Variants in SLC38A9 observed in about 807,000 individuals in gnomAD.
SLC38A9 encodes solute carrier family 38 member 9.
Under a neutral mutation model 62.3 loss-of-function variants are expected in SLC38A9, and 48 were observed. The ratio of observed to expected loss-of-function variants is 0.77; its 90% CI spans 0.61 to 0.98. SLC38A9 has a LOEUF of 0.98. SLC38A9 is among the 50% of genes least tolerant of loss of function. The probability of loss-of-function intolerance (pLI) is 0.00; values close to 1 mark genes in which losing one functional copy is unlikely to be tolerated. For missense variants in SLC38A9, 541 were observed against 679.8 expected (o/e 0.80, Z 2.27); for synonymous variants, 204 against 227.7 (o/e 0.90, Z 0.94).
intron 10 of SLC38A9, among the ~76,000 whole-genome samples, chr5:55,649,865 T>C (rs2150162929): frequency 6.6e-6 from 1 of 151,990 alleles, no homozygotes; most frequent in East Asian, 1.9e-4. Context: ...CAGATGAAGG[T>C]AGCTCATACA....
At chr5:55,647,861 G>A (rs1344378489) in intron 11 of SLC38A9, among the ~76,000 whole-genome samples, 2 of 152,130 alleles carry the variant, frequency 1.3e-5, no homozygotes, top group Non-Finnish European at 2.9e-5. Context: ...GTTTTTAACT[G>A]AATAGCATAT....
chr5:55,678,514 A>C (rs1388881979), intron 3 of SLC38A9, among the ~76,000 whole-genome samples: 1 of 152,192 alleles, frequency 6.6e-6, no homozygotes, highest in Non-Finnish European at 1.5e-5. Context: ...ATAGCATGGA[A>C]TACTAAATAT....
chr5:55,640,268 G>A (rs1361887220), intron 12 of SLC38A9, among the ~76,000 whole-genome samples: 1 of 152,068 alleles, frequency 6.6e-6, no homozygotes, highest in African/African-American at 2.4e-5. Context: ...TTACAGGTGT[G>A]AGCTACCATG....
rs1269297375 is a variant in SLC38A9 at position 55,698,074 on chromosome 5, T to C, written c.-34-82A>G. On this transcript the variant is annotated intron_variant, in intron 2 of 15. Coordinates refer to ENST00000396865, the MANE Select transcript of SLC38A9 (RefSeq NM_173514.4). ...CTAATAAATATTCATGAATAACAAA[T>C]TGGAAAAATACTGGAATTTGCTGAA... The C allele has an allele frequency of 1.0e-5, 6 of 575,614 alleles. No homozygotes were observed. In the Admixed American group the frequency reaches 1.5e-4, roughly 15 times the overall value. The allele number at this position is 575,614 out of a possible 1,614,324, so 35.7% of individuals were successfully genotyped here.
chr5:55,648,633 A>G lies in SLC38A9; in HGVS notation c.1060+574T>C, dbSNP rs1484858648. Reference sequence around the variant, plus strand: ...CAGTATGAAAAAAACAGACAGTTAAATAGAAAAACAGAAGAAGCACTTCAG... The same window carrying G: ...CAGTATGAAAAAAACAGACAGTTAAGTAGAAAAACAGAAGAAGCACTTCAG... On this transcript the variant is annotated intron_variant, in intron 11 of 15. Transcript: ENST00000396865. 2.0e-5 allele frequency among the ~76,000 whole-genome samples: 3 copies of G among 152,218 alleles called. 1 individual carries two copies. The highest frequency in any genetic ancestry group is 2.0e-4 in the Admixed American group (3 of 15,276).
In SLC38A9 at chr5:55,656,247, C is replaced by T. The variant is rs956207815; in HGVS notation, c.757+468G>A. 4.7e-5 allele frequency among the ~76,000 whole-genome samples: 7 copies of T among 149,668 alleles called. 1 individual carries two copies. Among genetic ancestry groups the T allele is most frequent in the African/African-American group, 1.7e-4 (7 of 40,660 alleles). ...ATTGAAAAAGCTTCAATTTATTTTT[C>T]CATATTTAGTTACTAACCTCTGTTT... On this transcript the variant is annotated intron_variant, in intron 9 of 15. Transcript: ENST00000396865.
At chr5:55,678,810 GCC>G (rs1752603341) in intron 3 of SLC38A9, among the ~76,000 whole-genome samples, 1 of 151,674 alleles carries the variant, frequency 6.6e-6, no homozygotes, top group Admixed American at 6.6e-5. Context: ...ACAGGCATGT[GCC>G]ACATGCCTGA....
chr5:55,652,227 G>A (rs1294771337), intron 10 of SLC38A9, among the ~76,000 whole-genome samples: 3 of 150,632 alleles, frequency 2.0e-5, no homozygotes, highest in South Asian at 2.1e-4. Context: ...GTGTGGTGGC[G>A]CATACCTGTA....
At chr5:55,708,535 T>C (rs754030402) in intron 2 of SLC38A9, among the ~76,000 whole-genome samples, 4 of 152,232 alleles carry the variant, frequency 2.6e-5, no homozygotes, top group Non-Finnish European at 4.4e-5. Context: ...CTATAGAATC[T>C]ATGCCAAGAT....
chr5:55,644,921 T>C (rs1746070434), intron 12 of SLC38A9, among the ~76,000 whole-genome samples: 1 of 149,282 alleles, frequency 6.7e-6, no homozygotes, highest in African/African-American at 2.4e-5. Context: ...CCTGTGTCCA[T>C]GTGTTCTCAT....
At chr5:55,636,346 C>T (rs957687176) in intron 12 of SLC38A9, among the ~76,000 whole-genome samples, 1 of 152,154 alleles carries the variant, frequency 6.6e-6, no homozygotes, top group South Asian at 2.1e-4. Flanking sequence ...CCCTCCCAAC[C>T]TCCCATATCC....
chr5:55,681,494 G>T (rs1752995897), intron 3 of SLC38A9, among the ~76,000 whole-genome samples: 1 of 152,110 alleles, frequency 6.6e-6, no homozygotes. Flanking sequence ...CTACCCCTAT[G>T]GTTTATGGCA....
intron 3 of SLC38A9, among the ~76,000 whole-genome samples, chr5:55,678,138 G>GTTTT (rs769465008): frequency 0.011 from 1,378 of 129,336 alleles, 60 homozygotes; most frequent in African/African-American, 0.033. Flanking sequence ...AAGGTTACTG[G>GTTTT]TTTTTTTTTC....
chr5:55,656,816 G>C, intron 8 of SLC38A9, 42 bp from the exon 9 acceptor site: 1 of 1,044,164 alleles, frequency 9.6e-7, no homozygotes, highest in Non-Finnish European at 1.4e-6. Context: ...CTGAATGAAA[G>C]ACACTAAATC....
At chr5:55,656,923 C>T (rs564579737) in intron 8 of SLC38A9, 149 bp from the exon 9 acceptor site, 309 of 363,898 alleles carry the variant, frequency 8.5e-4, no homozygotes, top group Middle Eastern at 5.4e-3. Context: ...TGCAGTGGCA[C>T]GATCTTGGCT....
intron 4 of SLC38A9, 49 bp downstream of exon 4, chr5:55,672,514 T>C: frequency 6.3e-6 from 10 of 1,599,370 alleles, no homozygotes; most frequent in Non-Finnish European, 8.5e-6. Context: ...TATTGTTCAC[T>C]GTTCATTTCA....
chr5:55,663,702 C>T (rs1325367951), intron 8 of SLC38A9, among the ~76,000 whole-genome samples: 4 of 152,082 alleles, frequency 2.6e-5, no homozygotes, highest in Non-Finnish European at 5.9e-5. Context: ...CACAGCACTC[C>T]AGCCTGGGTG....
intron 12 of SLC38A9, among the ~76,000 whole-genome samples, chr5:55,645,252 A>C (rs548306387): frequency 9.9e-5 from 15 of 152,148 alleles, no homozygotes; most frequent in African/African-American, 3.4e-4. Flanking sequence ...ACAGGGTCTA[A>C]CCATGTTGCC....
intron 3 of SLC38A9, among the ~76,000 whole-genome samples, chr5:55,678,138 G>GTTTTTTTTTTTTTTTTTTTTTTTTT (rs769465008): frequency 1.5e-5 from 2 of 129,442 alleles, no homozygotes; most frequent in African/African-American, 5.7e-5. Flanking sequence ...AAGGTTACTG[G>GTTTTTTTTTTTTTTTTTTTTTTTTT]TTTTTTTTTC....
Sources: allele counts gnomAD v4.1 joint callset (sites outside exome capture counted in the v4.1 genomes callset), GRCh38; gene constraint gnomAD v4.1.1; transcripts MANE v1.5; gene names NCBI Gene and HGNC (gene_info 2026-07-23, HGNC 2026-07-21).